CNTNAP5: variants seen among roughly 807,000 people sequenced by gnomAD.
CNTNAP5 encodes the protein contactin-associated protein-like 5.
CNTNAP5 carries 72 observed loss-of-function variants against 150.2 expected under a neutral mutation model. That is an observed-to-expected ratio of 0.48 (90% confidence interval 0.40 to 0.58). The LOEUF (loss-of-function observed/expected upper bound fraction) is 0.58, where lower values mean the gene tolerates loss of function less well. Ranked by LOEUF, CNTNAP5 falls within the 20% of genes least tolerant of loss-of-function variation. The pLI is 0.00. For synonymous variants in CNTNAP5, 672 were observed against 619.8 expected (o/e 1.08, Z -1.25); for missense variants, 1,636 against 1,626.2 (o/e 1.01, Z -0.10).
intron 1 of CNTNAP5, among the ~76,000 whole-genome samples, chr2:124,091,373 G>C (rs1175197236): frequency 6.6e-6 from 1 of 152,158 alleles, no homozygotes; most frequent in African/African-American, 2.4e-5. Context: ...ATGATGGACA[G>C]ATGTGAGAGA....
Position 124,869,762 on chromosome 2 carries a change from G to A in CNTNAP5, c.3436G>A (p.Glu1146Lys). The change falls in exon 21 of 24, where the codon GAG becomes AAG. Residue 1146 changes from glutamate (E) to lysine (K), a missense_variant and splice_region_variant. Physicochemically the swap from Glu to Lys is moderately conservative, Grantham distance 56 (BLOSUM62 1). Coordinates refer to ENST00000682447, the MANE Select transcript of CNTNAP5 (RefSeq NM_001367498.1). ...GTCACTCACCTTGGGCAAAGTCACA[G>A]GTATGTTGTTCTAGTTCATACCTTT... ...IRSLTLGKVT[E>K]NLGLDSEVAK... The A allele has an allele frequency of 1.3e-6, 2 of 1,586,950 alleles. No individual in the cohort carries two copies. The highest frequency in any genetic ancestry group is 2.2e-5 in the South Asian group (2 of 90,310).
intron 11 of CNTNAP5, among the ~76,000 whole-genome samples, chr2:124,571,533 T>TTTTTCTC (rs1573467288): frequency 2.1e-5 from 1 of 46,882 alleles, no homozygotes; most frequent in African/African-American, 1.4e-4. Context: ...TTTTCTTTTT[T>TTTTTCTC]TTTTTTTTTT....
At chr2:124,890,937 C>T (rs956105790) in intron 21 of CNTNAP5, among the ~76,000 whole-genome samples, 2 of 152,034 alleles carry the variant, frequency 1.3e-5, no homozygotes, top group Non-Finnish European at 2.9e-5. Flanking sequence ...TGTGTATTTA[C>T]CATGTGCCAG....
At chr2:124,494,960 T>C (rs1694113200) in intron 7 of CNTNAP5, among the ~76,000 whole-genome samples, 1 of 152,176 alleles carries the variant, frequency 6.6e-6, no homozygotes, top group South Asian at 2.1e-4. Context: ...TACAAAAGAT[T>C]TTAAGTATGG....
chr2:124,572,484 G>A (rs564917514), intron 11 of CNTNAP5, among the ~76,000 whole-genome samples: 1 of 152,282 alleles, frequency 6.6e-6, no homozygotes, highest in African/African-American at 2.4e-5. Flanking sequence ...AAGGAAGAAA[G>A]TCTTCTTAAA....
chr2:124,380,287 A>T (rs1690755660), intron 3 of CNTNAP5, among the ~76,000 whole-genome samples: 1 of 152,164 alleles, frequency 6.6e-6, no homozygotes, highest in Admixed American at 6.6e-5. Context: ...TCCATGAGAG[A>T]TAAGGAAAAT....
intron 1 of CNTNAP5, among the ~76,000 whole-genome samples, chr2:124,129,753 A>G (rs1322041226): frequency 1.3e-5 from 2 of 152,220 alleles, no homozygotes; most frequent in Non-Finnish European, 2.9e-5. Context: ...CATGTTAAAT[A>G]GTATTAAGAA....
At chr2:124,552,747 T>C (rs1295612366) in intron 10 of CNTNAP5, among the ~76,000 whole-genome samples, 1 of 152,220 alleles carries the variant, frequency 6.6e-6, no homozygotes, top group African/African-American at 2.4e-5. Context: ...TCCAGACTCA[T>C]TGCAAAAGCC....
intron 4 of CNTNAP5, among the ~76,000 whole-genome samples, chr2:124,427,914 C>T (rs1692278392): frequency 6.6e-6 from 1 of 152,152 alleles, no homozygotes; most frequent in South Asian, 2.1e-4. Flanking sequence ...GGCTCCTTAA[C>T]ACACCACTTG....
At chr2:124,696,866 C>A (rs1679416387) in intron 13 of CNTNAP5, among the ~76,000 whole-genome samples, 1 of 152,134 alleles carries the variant, frequency 6.6e-6, no homozygotes, top group African/African-American at 2.4e-5. Context: ...TTCAATAAAG[C>A]AGATCTGGTA....
intron 2 of CNTNAP5, among the ~76,000 whole-genome samples, chr2:124,236,209 G>T (rs1369747317): frequency 6.6e-6 from 1 of 151,998 alleles, no homozygotes; most frequent in Admixed American, 6.6e-5. Context: ...CAGATGATCC[G>T]CCCGCCTTGG....
chr2:124,124,878 C>T (rs1172094036), intron 1 of CNTNAP5, among the ~76,000 whole-genome samples: 1 of 152,168 alleles, frequency 6.6e-6, no homozygotes, highest in Non-Finnish European at 1.5e-5. Flanking sequence ...GATTATGTCA[C>T]CACCAGGCCT....
At chr2:124,617,321 G>A (rs1454240181) in intron 12 of CNTNAP5, among the ~76,000 whole-genome samples, 5 of 152,032 alleles carry the variant, frequency 3.3e-5, no homozygotes, top group African/African-American at 9.7e-5. Flanking sequence ...TTTTCTCACA[G>A]TTCTAGAGCC....
chr2:124,427,667 G>C (rs1422665467), intron 4 of CNTNAP5, among the ~76,000 whole-genome samples: 9 of 152,058 alleles, frequency 5.9e-5, no homozygotes, highest in Admixed American at 5.9e-4. Flanking sequence ...ATGCTGGTCA[G>C]GCTGGTTTCA....
chr2:124,153,243 G>A (rs1269638165), intron 1 of CNTNAP5, among the ~76,000 whole-genome samples: 2 of 152,146 alleles, frequency 1.3e-5, no homozygotes, highest in Non-Finnish European at 1.5e-5. Flanking sequence ...CAAACATGAA[G>A]TGGGGCACAC....
intron 8 of CNTNAP5, among the ~76,000 whole-genome samples, chr2:124,516,529 G>A (rs750162157): frequency 6.6e-6 from 1 of 152,086 alleles, no homozygotes; most frequent in African/African-American, 2.4e-5. Flanking sequence ...TAAGTGTCAC[G>A]CACTTGAGCA....
intron 13 of CNTNAP5, among the ~76,000 whole-genome samples, chr2:124,653,825 G>A (rs929818283): frequency 9.9e-5 from 15 of 151,886 alleles, no homozygotes; most frequent in African/African-American, 2.7e-4. Flanking sequence ...CAGGCACTGG[G>A]GAGTGAAAAT....
intron 3 of CNTNAP5, among the ~76,000 whole-genome samples, chr2:124,409,997 A>G (rs1452685804): frequency 6.7e-6 from 1 of 149,948 alleles, no homozygotes; most frequent in Non-Finnish European, 1.5e-5. Flanking sequence ...TCTCACGTGC[A>G]GAGACACACA....
intron 3 of CNTNAP5, among the ~76,000 whole-genome samples, chr2:124,315,429 GA>G (rs927133679): frequency 4.6e-5 from 7 of 152,232 alleles, no homozygotes; most frequent in African/African-American, 1.7e-4. Flanking sequence ...GGGTTCCAAG[GA>G]GGTGCCTCAG....
Sources: gnomAD v4.1 joint callset for allele counts (sites outside exome capture counted in the v4.1 genomes callset) on GRCh38, gnomAD v4.1.1 for gene constraint, MANE v1.5 for transcripts, NCBI Gene and HGNC (gene_info 2026-07-23, HGNC 2026-07-21) for gene names.